The following CA10 variants were observed in gnomAD, a reference collection of about 807,000 sequenced individuals.
CA10 encodes the protein carbonic anhydrase 10 (inactive).
A neutral mutation model predicts 44.2 loss-of-function variants in CA10; 14 were observed. The ratio of observed to expected loss-of-function variants is 0.32; its 90% CI spans 0.21 to 0.50. The LOEUF (loss-of-function observed/expected upper bound fraction) is 0.50. Among genes scored for constraint, CA10 ranks in the 20% least tolerant of loss-of-function variants. The pLI is 0.99. For missense variants in CA10, 350 were observed against 409.7 expected (o/e 0.85, Z 1.26); for synonymous variants, 159 against 141.6 (o/e 1.12, Z -0.87).
intron 2 of CA10, among the ~76,000 whole-genome samples, chr17:52,026,215 G>A (rs566277471): frequency 3.3e-5 from 5 of 152,186 alleles, no homozygotes; most frequent in Non-Finnish European, 7.4e-5. Context: ...CATGGGTTAG[G>A]GGCCCCATGC....
At chr17:51,873,613 C>T (rs1046428649) in intron 3 of CA10, among the ~76,000 whole-genome samples, 1 of 152,212 alleles carries the variant, frequency 6.6e-6, no homozygotes, top group African/African-American at 2.4e-5. Flanking sequence ...TATTGGCAAG[C>T]ATGGCTGTGG....
At chr17:52,093,841 A>G (rs747342452) in intron 1 of CA10, among the ~76,000 whole-genome samples, 12 of 152,152 alleles carry the variant, frequency 7.9e-5, no homozygotes, top group Non-Finnish European at 1.6e-4. Flanking sequence ...CCAGAAATTT[A>G]TTAGGTAGTT....
intron 2 of CA10, among the ~76,000 whole-genome samples, chr17:51,996,868 AAAAC>A (rs1453573486): frequency 1.3e-5 from 2 of 152,086 alleles, no homozygotes; most frequent in East Asian, 3.9e-4. Context: ...AGCCAAACAC[AAAAC>A]AATCACAGGT....
chr17:52,006,662 T>C (rs1267781723), intron 2 of CA10, among the ~76,000 whole-genome samples: 1 of 151,874 alleles, frequency 6.6e-6, no homozygotes, highest in Admixed American at 6.6e-5. Flanking sequence ...ATAAATGTAA[T>C]CATATAGTAT....
At chr17:51,982,788 T>C (rs1371491824) in intron 2 of CA10, among the ~76,000 whole-genome samples, 1 of 151,884 alleles carries the variant, frequency 6.6e-6, no homozygotes, top group African/African-American at 2.4e-5. Flanking sequence ...TTTACAGGAC[T>C]AGGAGCTCAT....
intron 3 of CA10, among the ~76,000 whole-genome samples, chr17:51,914,728 G>GT (rs1662788564): frequency 6.6e-6 from 1 of 152,138 alleles, no homozygotes; most frequent in South Asian, 2.1e-4. Flanking sequence ...TAGATGGAAT[G>GT]TATTTCTCCC....
intron 1 of CA10, among the ~76,000 whole-genome samples, chr17:52,124,797 A>T (rs572454939): frequency 5.9e-5 from 9 of 152,176 alleles, no homozygotes; most frequent in African/African-American, 2.2e-4. Flanking sequence ...GTTAAGTATG[A>T]CTTAGGAATC....
At chr17:51,813,022 A>G (rs1598057748) in intron 3 of CA10, among the ~76,000 whole-genome samples, 2 of 152,236 alleles carry the variant, frequency 1.3e-5, no homozygotes, top group Admixed American at 6.5e-5. Flanking sequence ...AAAAAGTTCA[A>G]TTGGCATTAA....
chr17:51,959,797 G>GAAAAAAAA (rs3062037), intron 2 of CA10, among the ~76,000 whole-genome samples: 41 of 112,182 alleles, frequency 3.7e-4, no homozygotes, highest in East Asian at 5.2e-4. Flanking sequence ...CTGCTAAGAT[G>GAAAAAAAA]AAAAAAAAAA....
At chr17:51,745,097 C>T (rs1904629261) in intron 4 of CA10, among the ~76,000 whole-genome samples, 1 of 152,176 alleles carries the variant, frequency 6.6e-6, no homozygotes, top group Non-Finnish European at 1.5e-5. Flanking sequence ...CTCCAAGTCT[C>T]ATTAGTCTAG....
At chr17:52,121,958 C>T (rs571518969) in intron 1 of CA10, among the ~76,000 whole-genome samples, 2 of 152,310 alleles carry the variant, frequency 1.3e-5, no homozygotes, top group South Asian at 4.2e-4. Flanking sequence ...ATTATCCTAG[C>T]ACCAACAGCA....
At chr17:51,763,663 TC>T (rs1383567240) in intron 3 of CA10, among the ~76,000 whole-genome samples, 1 of 152,132 alleles carries the variant, frequency 6.6e-6, no homozygotes, top group Non-Finnish European at 1.5e-5. Flanking sequence ...TGCTATGCAA[TC>T]CCCCTACCTC....
intron 3 of CA10, chr17:51,761,470 C>A (rs1472999847): frequency 1.3e-5 from 2 of 152,106 alleles, no homozygotes; most frequent in Non-Finnish European, 2.9e-5. Flanking sequence ...ATCTGAAAAT[C>A]ATTTAAAAAA....
chr17:52,031,854 A>G (rs1002273524), intron 2 of CA10, among the ~76,000 whole-genome samples: 8 of 152,220 alleles, frequency 5.3e-5, no homozygotes, highest in African/African-American at 1.7e-4. Flanking sequence ...AAAATTAGAA[A>G]TTGAGAATGT....
At chr17:51,889,504 A>G (rs768391570) in intron 3 of CA10, among the ~76,000 whole-genome samples, 1 of 152,202 alleles carries the variant, frequency 6.6e-6, no homozygotes, top group Non-Finnish European at 1.5e-5. Context: ...AGCCTAGATG[A>G]CAGTGAGGCC....
At chr17:51,923,866 C>G (rs577274953) in intron 3 of CA10, among the ~76,000 whole-genome samples, 72 of 152,102 alleles carry the variant, frequency 4.7e-4, no homozygotes, top group Non-Finnish European at 9.4e-4. Flanking sequence ...TCCACCTAAA[C>G]GCATTTCTTG....
At chr17:52,125,037 T>C (rs1192272728) in intron 1 of CA10, among the ~76,000 whole-genome samples, 1 of 152,242 alleles carries the variant, frequency 6.6e-6, no homozygotes, top group Non-Finnish European at 1.5e-5. Context: ...CACATCACTG[T>C]CTGTCTCTCC....
intron 3 of CA10, among the ~76,000 whole-genome samples, chr17:51,827,089 G>A (rs1412873407): frequency 6.6e-6 from 1 of 152,140 alleles, no homozygotes; most frequent in Non-Finnish European, 1.5e-5. Flanking sequence ...CCAGCAGACA[G>A]CTACTCCACC....
chr17:52,104,322 C>T (rs1988610624), intron 1 of CA10, among the ~76,000 whole-genome samples: 1 of 152,110 alleles, frequency 6.6e-6, no homozygotes, highest in Non-Finnish European at 1.5e-5. Flanking sequence ...CCTCAGCCTC[C>T]CGAGTAGCTA....
Sources: allele counts gnomAD v4.1 joint callset (sites outside exome capture counted in the v4.1 genomes callset), GRCh38; gene constraint gnomAD v4.1.1; transcripts MANE v1.5; gene names NCBI Gene and HGNC (gene_info 2026-07-23, HGNC 2026-07-21).